Variants in OSCAR observed in about 807,000 individuals in gnomAD.
OSCAR encodes osteoclast-associated immunoglobulin-like receptor.
A neutral mutation model predicts 27.3 loss-of-function variants in OSCAR; 25 were observed. That is an observed-to-expected ratio of 0.92 (90% CI 0.67 to 1.28). The LOEUF (loss-of-function observed/expected upper bound fraction) is 1.28, where lower values mean the gene tolerates loss of function less well. Ranked by LOEUF, OSCAR falls within the 50% of genes most tolerant of loss-of-function variation. The probability of loss-of-function intolerance (pLI) is 0.00; values close to 1 mark genes in which losing one functional copy is unlikely to be tolerated. For missense variants in OSCAR, 354 were observed against 355.1 expected, an observed-to-expected ratio of 1.00 and a Z score of 0.03; for synonymous variants, 158 against 165.7, an observed-to-expected ratio of 0.95 and a Z score of 0.36.
chr19:54,095,281 GC>G lies in OSCAR; in HGVS notation c.731del (p.Gly244AlafsTer33). 1 of 1,601,638 alleles carries G rather than the reference GC, an allele frequency of 6.2e-7. No homozygotes were observed. The highest frequency in any genetic ancestry group is 1.7e-5 in the Admixed American group (1 of 58,124). On this transcript the variant is annotated frameshift_variant, in exon 5 of 5. Coordinates refer to ENST00000358375, the MANE Select transcript of OSCAR (RefSeq NM_133169.6). LOFTEE classifies it high-confidence loss of function. ...TGCGCCAGTCAAAAGTGACCAGCGCGCCCAGGGAGATGAGGACCAGCCCGGC... is the reference window on the plus strand; with the variant it reads ...TGCGCCAGTCAAAAGTGACCAGCGCGCCAGGGAGATGAGGACCAGCCCGGC... ...GLAGLVLISL[G>X]ALVTFDWRSQ...
rs759940632 is a variant in OSCAR, at chr19:54,096,060, T to TTCCGCAGGCGGCCCGCGCAGCGCAGGC, written c.440_466dup (p.Ser147_Arg155dup). ...CTCGCGGTACAGCACGAAGCTCATGTTCCGCAGGCGGCCCGCGCAGCGCAG... is the reference window on the plus strand; with the variant it reads ...CTCGCGGTACAGCACGAAGCTCATGTTCCGCAGGCGGCCCGCGCAGCGCAGGCTCCGCAGGCGGCCCGCGCAGCGCAG... On this transcript the variant is annotated inframe_insertion, in exon 4 of 5. Transcript: ENST00000358375. The TTCCGCAGGCGGCCCGCGCAGCGCAGGC allele has an allele frequency of 1.9e-6, 3 of 1,545,648 alleles. No homozygotes were observed. Among genetic ancestry groups the TTCCGCAGGCGGCCCGCGCAGCGCAGGC allele is most frequent in the East Asian group, 4.8e-5 (2 of 41,410 alleles).
In OSCAR at chr19:54,095,113, G is replaced by C; in HGVS notation, c.*108C>G. The C allele has an allele frequency of 3.4e-6, 5 of 1,472,468 alleles. No individual in the cohort carries two copies. The highest frequency in any genetic ancestry group is 4.5e-6 in the Non-Finnish European group (5 of 1,105,718). 91.2% of individuals were successfully genotyped at this position (1,472,468 alleles called of 1,614,324 possible). On this transcript the variant is annotated 3_prime_UTR_variant, in exon 5 of 5. Coordinates refer to ENST00000358375, the MANE Select transcript of OSCAR (RefSeq NM_133169.6). ...AGCGGGGTCTAAGGACCGTTCCGCG[G>C]AGCTCAGCCAGCAGGACTGTGGGGC...
intron 4 of OSCAR, 38 bp from the exon 5 acceptor site, chr19:54,095,395 C>T (rs1327568722): frequency 5.8e-6 from 9 of 1,540,404 alleles, no homozygotes; most frequent in African/African-American, 1.4e-5. Context: ...CATCAGCTCC[C>T]GGACCCCAAA....
chr19:54,095,348 G>A lies in OSCAR; in HGVS notation c.665C>T (p.Ser222Phe), dbSNP rs890064459. Residue 222 changes from serine to phenylalanine, a missense_variant, in exon 5 of 5, where the codon TCC (serine) becomes TTC (phenylalanine). By Grantham distance (155) the Ser-to-Phe change is radical. Coordinates refer to ENST00000358375, the MANE Select transcript of OSCAR (RefSeq NM_133169.6). The part of the protein sequence containing the change: ...VLVISWEDSG[S>F]SDYTRGNLVR... ...TAGGTTCCCCCGGGTGTAGTCGGAG[G>A]AGCCAGAGTCTGCGGGCGGAGCCGG... is the stretch of plus-strand genomic sequence containing the variant. The A allele has an allele frequency of 1.3e-6, 2 of 1,563,686 alleles. No individual in the cohort carries two copies. Among genetic ancestry groups the A allele is most frequent in the Non-Finnish European group, 8.7e-7 (1 of 1,154,456 alleles).
chr19:54,100,356 T>C (rs2072985810), intron 1 of OSCAR, among the ~76,000 whole-genome samples: 1 of 152,122 alleles, frequency 6.6e-6, no homozygotes, highest in African/African-American at 2.4e-5. Flanking sequence ...CAGGGAACAA[T>C]GATCGTAGAG....
Position 54,097,062 on chromosome 19 carries a change from G to A in OSCAR, c.173C>T (p.Pro58Leu), listed in dbSNP as rs375500705. Residue 58 changes from proline (P) to leucine (L), a missense_variant, in exon 3 of 5, where the codon CCC becomes CTC. Transcript: ENST00000358375. ...CTTGAAAAGTCCAAATCTCCAAGCG[G>A]GTTGGGGTGCCCGGCATCTCAAGGT... ...NVTLRCRAPQ[P>L]AWRFGLFKPG... is the part of the protein sequence containing the mutation. 2 of 1,614,036 alleles carry A rather than the reference G, an allele frequency of 1.2e-6. No individual in the cohort carries two copies. Among genetic ancestry groups the A allele is most frequent in the African/African-American group, 2.7e-5 (2 of 74,910 alleles).
At chr19:54,096,198 G>T in intron 3 of OSCAR, 45 bp from the exon 4 acceptor site, 1 of 1,403,462 alleles carries the variant, frequency 7.1e-7, no homozygotes, top group Middle Eastern at 2.6e-4. Flanking sequence ...AGCGTCTTCC[G>T]CTCGCTCGCT....
chr19:54,099,904 C>T, intron 1 of OSCAR, 124 bp from the exon 2 acceptor site: 1 of 1,173,536 alleles, frequency 8.5e-7, no homozygotes, highest in East Asian at 2.6e-5. Flanking sequence ...CCTCTGCCTC[C>T]CAGGTTCAAG....
chr19:54,099,063 G>T (rs939118543), intron 2 of OSCAR, among the ~76,000 whole-genome samples: 11 of 149,782 alleles, frequency 7.3e-5, no homozygotes, highest in Non-Finnish European at 4.4e-5. Flanking sequence ...AGTTTTTTTT[G>T]TTTGTTTGTT....
At chr19:54,097,878 G>GGT (rs1309678108) in intron 2 of OSCAR, among the ~76,000 whole-genome samples, 1 of 151,958 alleles carries the variant, frequency 6.6e-6, no homozygotes, top group Non-Finnish European at 1.5e-5. Context: ...TGGGATTACA[G>GGT]GTGTGAGCCA....
Position 54,095,276 on chromosome 19 carries a change from A to G in OSCAR, c.737T>C (p.Leu246Pro). The change falls in exon 5 of 5, where the codon CTG (leucine) becomes CCG (proline). Residue 246 changes from leucine to proline, a missense_variant. Leu to Pro is a moderately conservative substitution (Grantham distance 98). Transcript: ENST00000358375. ...AGLVLISLGA[L>P]VTFDWRSQNR... ...CTGACTGCGCCAGTCAAAAGTGACC[A>G]GCGCGCCCAGGGAGATGAGGACCAG... is the stretch of plus-strand genomic sequence containing the variant. 6.2e-7 allele frequency: 1 copy of G among 1,604,082 alleles called. No individual in the cohort carries two copies. Among genetic ancestry groups the G allele is most frequent in the Non-Finnish European group, 8.5e-7 (1 of 1,175,970 alleles).
At position 54,097,100 on chromosome 19, in the gene OSCAR, AG is replaced by A; in HGVS notation, c.134del (p.Pro45LeufsTer5). ...GGCATCTCAAGGTCACGTTGACCCC[AG>A]GGGTCACAACTGTAGCCGGCTGAGC... The part of the protein sequence containing the change: ...LGAQPATVVT[P>X]GVNVTLRCRA... On this transcript the variant is annotated frameshift_variant, in exon 3 of 5. Transcript: ENST00000358375. LOFTEE classifies it high-confidence loss of function. 1 of 1,614,180 alleles carries A rather than the reference AG, an allele frequency of 6.2e-7. No homozygotes were observed. Among genetic ancestry groups the A allele is most frequent in the Non-Finnish European group, 8.5e-7 (1 of 1,180,016 alleles).
rs113840204 is a variant in OSCAR at position 54,097,091 on chromosome 19, G to A, written c.144C>T (p.Asn48=). The change falls in exon 3 of 5, where the codon AAC becomes AAT. Residue 48 remains asparagine (N), a synonymous_variant. Coordinates refer to ENST00000358375, the MANE Select transcript of OSCAR (RefSeq NM_133169.6). ...QPATVVTPGV[N]VTLRCRAPQP... The stretch of plus-strand genomic sequence containing the variant: ...GGGGTGCCCGGCATCTCAAGGTCAC[G>A]TTGACCCCAGGGGTCACAACTGTAG... 28 of 1,614,078 alleles carry A rather than the reference G, an allele frequency of 1.7e-5. No individual in the cohort carries two copies. Among genetic ancestry groups the A allele is most frequent in the African/African-American group, 2.7e-5 (2 of 74,932 alleles).
chr19:54,097,584 C>CTTTTTTTTT (rs33998262), intron 2 of OSCAR, among the ~76,000 whole-genome samples: 1 of 37,454 alleles, frequency 2.7e-5, no homozygotes, highest in African/African-American at 1.1e-4. Flanking sequence ...CACACCCAGA[C>CTTTTTTTTT]TTTTTTTTTT....
At chr19:54,097,289 T>A in intron 2 of OSCAR, 125 bp from the exon 3 acceptor site, 2 of 1,033,378 alleles carry the variant, frequency 1.9e-6, no homozygotes, top group Non-Finnish European at 2.7e-6. Context: ...CAGTTTCCTG[T>A]TTGTAAAATC....
intron 1 of OSCAR, 78 bp downstream of exon 1, chr19:54,100,678 G>A (rs1232639233): frequency 1.4e-6 from 2 of 1,429,304 alleles, no homozygotes; most frequent in African/African-American, 2.9e-5. Context: ...CCCCCTGCAG[G>A]GTGTCTGGGT....
Position 54,099,752 on chromosome 19 carries a change from C to A in OSCAR, c.66G>T (p.Pro22=), listed in dbSNP as rs369634082. The change falls in exon 2 of 5, where the codon CCG becomes CCT. Residue 22 remains proline (P), a synonymous_variant. Coordinates refer to ENST00000358375, the MANE Select transcript of OSCAR (RefSeq NM_133169.6). The part of the protein sequence containing the change: ...LWPLCHTDIT[P]SVPPASYHPK... ...GTGGATGGGGTGGCTACTCACCAGA[C>A]GGAGTGATGTCTGTGTGACACAGAG... 3 of 1,612,914 alleles carry A rather than the reference C, an allele frequency of 1.9e-6. No homozygotes were observed. Among genetic ancestry groups the A allele is most frequent in the Admixed American group, 1.7e-5 (1 of 59,922 alleles).
chr19:54,099,647 AAT>A (rs778514324), intron 2 of OSCAR, 99 bp downstream of exon 2: 63 of 1,613,742 alleles, frequency 3.9e-5, no homozygotes, highest in Non-Finnish European at 5.2e-5. Context: ...GAGGGAGGAA[AAT>A]AAGGATATCT....
chr19:54,096,237 T>C, intron 3 of OSCAR, 84 bp from the exon 4 acceptor site: 3 of 1,213,932 alleles, frequency 2.5e-6, no homozygotes, highest in Non-Finnish European at 3.3e-6. Flanking sequence ...CCTCTGTCTC[T>C]CGCTTTCTCT....
Sources: gnomAD v4.1 joint callset for allele counts (sites outside exome capture counted in the v4.1 genomes callset) on GRCh38, gnomAD v4.1.1 for gene constraint, MANE v1.5 for transcripts, NCBI Gene and HGNC (gene_info 2026-07-23, HGNC 2026-07-21) for gene names.